The following ZNF626 variants were observed in gnomAD, a reference collection of about 807,000 sequenced individuals.
The protein encoded by ZNF626 is CTC-513N18.7.
ZNF626 carries 4 observed loss-of-function variants against 11.7 expected under a neutral mutation model. The observed-to-expected ratio is 0.34, with a 90% CI of 0.17 to 0.78. ZNF626 has a LOEUF of 0.78. ZNF626 is among the 30% of genes least tolerant of loss of function. The pLI is 0.57. For missense variants in ZNF626, 588 were observed against 587.1 expected (o/e 1.00, Z -0.01); for synonymous variants, 179 against 198.6 (o/e 0.90, Z 0.83).
chr19:20,628,470 T>C (rs182719181), intron 3 of ZNF626, among the ~76,000 whole-genome samples: 4,028 of 152,240 alleles, frequency 0.026, 149 homozygotes, highest in African/African-American at 0.082. Flanking sequence ...ATGATTGCCA[T>C]TCTAACTGGT....
chr19:20,647,399 CTA>C (rs1970091589), intron 1 of ZNF626, among the ~76,000 whole-genome samples: 1 of 150,668 alleles, frequency 6.6e-6, no homozygotes, highest in African/African-American at 2.4e-5. Flanking sequence ...ATAATTAACT[CTA>C]TAGTGAAAAA....
intron 2 of ZNF626, 27 bp downstream of exon 2, chr19:20,646,252 T>TA (rs782806993): frequency 6.2e-7 from 1 of 1,601,736 alleles, no homozygotes; most frequent in South Asian, 1.1e-5. Flanking sequence ...ATCTATAGGG[T>TA]ATATTATGTA....
intron 1 of ZNF626, among the ~76,000 whole-genome samples, chr19:20,655,918 G>A (rs2144794872): frequency 6.6e-6 from 1 of 150,774 alleles, no homozygotes; most frequent in South Asian, 2.1e-4. Context: ...CTGGGTGGCA[G>A]AGCGAGACTT....
At chr19:20,635,148 TTA>T (rs2144774022) in intron 3 of ZNF626, among the ~76,000 whole-genome samples, 1 of 152,144 alleles carries the variant, frequency 6.6e-6, no homozygotes, top group African/African-American at 2.4e-5. Flanking sequence ...AAGACAGAGA[TTA>T]TATGAGATAT....
At chr19:20,632,998 C>A (rs1387205881) in intron 3 of ZNF626, among the ~76,000 whole-genome samples, 1 of 152,158 alleles carries the variant, frequency 6.6e-6, no homozygotes, top group African/African-American at 2.4e-5. Flanking sequence ...AGTTTTCCTT[C>A]TAACAGACAG....
In ZNF626 at chr19:20,624,905, G is replaced by C. The variant is rs1452539298; in HGVS notation, c.972C>G (p.Tyr324Ter). Residue 324 changes from tyrosine to a stop codon, truncating the protein, a stop_gained, in exon 4 of 4, where the codon TAC becomes TAG. Coordinates refer to ENST00000601440, the MANE Select transcript of ZNF626 (RefSeq NM_001076675.3). LOFTEE classifies it low-confidence loss of function (END_TRUNC). ...TTTTATGTGTAGTAAGGGTATAGGA[G>C]TACTTAAAGGCTTTGTCACATTCTT... ...KCEECDKAFK[Y>*]SYTLTTHKRI... 1.2e-6 allele frequency: 2 copies of C among 1,612,442 alleles called. No individual in the cohort carries two copies. Among genetic ancestry groups the C allele is most frequent in the Non-Finnish European group, 8.5e-7 (1 of 1,179,718 alleles).
intron 3 of ZNF626, among the ~76,000 whole-genome samples, chr19:20,639,376 A>C (rs1484508429): frequency 6.6e-6 from 1 of 152,142 alleles, no homozygotes; most frequent in East Asian, 1.9e-4. Flanking sequence ...GTCAAAACCA[A>C]GATAATACAA....
At chr19:20,636,951 G>A (rs533069965) in intron 3 of ZNF626, among the ~76,000 whole-genome samples, 1 of 149,306 alleles carries the variant, frequency 6.7e-6, no homozygotes, top group African/African-American at 2.5e-5. Context: ...AATCAAGGAG[G>A]TGGCGACTGT....
intron 3 of ZNF626, among the ~76,000 whole-genome samples, chr19:20,639,676 A>G (rs966243343): frequency 3.9e-5 from 6 of 152,224 alleles, no homozygotes; most frequent in Admixed American, 3.9e-4. Flanking sequence ...GGCTGAGGCT[A>G]CAGAGAGCCA....
rs1555772163 is a variant in ZNF626, at chr19:20,648,361, TC to T, written c.4-1957del. 9.2e-5 allele frequency among the ~76,000 whole-genome samples: 11 copies of T among 119,356 alleles called. No homozygotes were observed. In the East Asian group the frequency reaches 2.4e-3, roughly 26 times the overall value. The allele number at this position is 119,356 out of a possible 152,430, so 78.3% of individuals were successfully genotyped here. On this transcript the variant is annotated intron_variant, in intron 1 of 3. Coordinates refer to ENST00000601440, the MANE Select transcript of ZNF626 (RefSeq NM_001076675.3). ...TGCCATCCCATTTAAATAAGCATTTTCTTCTTCTTCTTCTTCTTCTTTTTTT... is the reference window on the plus strand; with the variant it reads ...TGCCATCCCATTTAAATAAGCATTTTTTCTTCTTCTTCTTCTTCTTTTTTT...
intron 3 of ZNF626, among the ~76,000 whole-genome samples, chr19:20,641,924 T>TA (rs10663928): frequency 0.14 from 20,838 of 147,660 alleles, 1,524 homozygotes; most frequent in Middle Eastern, 0.2. Context: ...AAACAATGTT[T>TA]AAAAAAAAAA....
intron 3 of ZNF626, among the ~76,000 whole-genome samples, chr19:20,626,866 A>T (rs1438239079): frequency 1.3e-5 from 2 of 151,874 alleles, no homozygotes; most frequent in Admixed American, 6.6e-5. Context: ...AATACAAAAA[A>T]TTAGCTGGAA....
intron 1 of ZNF626, among the ~76,000 whole-genome samples, chr19:20,651,992 C>G (rs1479818400): frequency 6.6e-6 from 1 of 152,168 alleles, no homozygotes; most frequent in Non-Finnish European, 1.5e-5. Flanking sequence ...TCTCACATCA[C>G]TGTAGCAGGT....
intron 3 of ZNF626, chr19:20,645,351 G>T (rs369126095): frequency 1.4e-5 from 22 of 1,579,534 alleles, no homozygotes; most frequent in African/African-American, 2.8e-5. Context: ...GCAGACATTT[G>T]TGCGTCCCAA....
rs1969744513 is a variant in ZNF626, at chr19:20,620,445, T to C, written c.*3845A>G. 2.0e-5 allele frequency: 3 copies of C among 152,356 alleles called. No homozygotes were observed. The South Asian group carries it at 6.2e-4, about 32-fold the overall frequency. 9.4% of individuals were successfully genotyped at this position (152,356 alleles called of 1,614,324 possible). A position where few individuals can be genotyped will look rare whatever the true frequency, so the allele number is the denominator to read the frequency against. On this transcript the variant is annotated 3_prime_UTR_variant, in exon 4 of 4. Coordinates refer to ENST00000601440, the MANE Select transcript of ZNF626 (RefSeq NM_001076675.3). ...GTTTATCTTCAGAGGAATATGTGTA[T>C]ATTTCACTCTATGAAAATTAAAAGT...
At chr19:20,640,245 T>C (rs1228781106) in intron 3 of ZNF626, among the ~76,000 whole-genome samples, 1 of 48,176 alleles carries the variant, frequency 2.1e-5, no homozygotes, top group Non-Finnish European at 3.5e-5. Flanking sequence ...AAATTATTAA[T>C]TTTAATTATT....
At chr19:20,654,256 T>C (rs1329452557) in intron 1 of ZNF626, among the ~76,000 whole-genome samples, 2 of 151,498 alleles carry the variant, frequency 1.3e-5, no homozygotes, top group Non-Finnish European at 2.9e-5. Context: ...CTGGCCAATA[T>C]AGTGAAACCC....
At chr19:20,659,126 T>A (rs2144798196) in intron 1 of ZNF626, among the ~76,000 whole-genome samples, 1 of 152,326 alleles carries the variant, frequency 6.6e-6, no homozygotes, top group South Asian at 2.1e-4. Flanking sequence ...GCCTTTCTCA[T>A]TATGACTTAG....
intron 3 of ZNF626, among the ~76,000 whole-genome samples, chr19:20,632,301 C>A (rs950737576): frequency 2.6e-5 from 4 of 152,046 alleles, no homozygotes; most frequent in African/African-American, 9.7e-5. Flanking sequence ...ATCTTTGTGG[C>A]GTTCTCTGTA....
Sources: gnomAD v4.1 joint callset for allele counts (sites outside exome capture counted in the v4.1 genomes callset) on GRCh38, gnomAD v4.1.1 for gene constraint, MANE v1.5 for transcripts, NCBI Gene and HGNC (gene_info 2026-07-23, HGNC 2026-07-21) for gene names.